Variants in EXOC2 observed in about 807,000 individuals in gnomAD.
EXOC2 encodes the protein exocyst complex component 2.
Under a neutral mutation model 131.8 loss-of-function variants are expected in EXOC2, and 70 were observed. The observed-to-expected ratio is 0.53, with a 90% CI of 0.44 to 0.65. The LOEUF is 0.65. Among genes scored for constraint, EXOC2 ranks in the 30% least tolerant of loss-of-function variants. EXOC2 has a pLI of 0.00. For synonymous variants in EXOC2, 411 were observed against 398.4 expected, an observed-to-expected ratio of 1.03 and a Z score of -0.38; for missense variants, 923 against 1,108.6, an observed-to-expected ratio of 0.83 and a Z score of 2.38.
intron 1 of EXOC2, among the ~76,000 whole-genome samples, chr6:663,839 TG>T (rs1763520691): frequency 6.6e-6 from 1 of 152,280 alleles, no homozygotes; most frequent in South Asian, 2.1e-4. Flanking sequence ...TAATACTGAA[TG>T]GGGAAAAGTT....
chr6:681,824 G>A (rs1465079341), intron 1 of EXOC2, among the ~76,000 whole-genome samples: 1 of 152,238 alleles, frequency 6.6e-6, no homozygotes, highest in Non-Finnish European at 1.5e-5. Context: ...TGGTTCTACA[G>A]ATACTTTGCT....
At position 556,074 on chromosome 6, in the gene EXOC2, G is replaced by A. The variant is rs548238838; in HGVS notation, c.1933-61C>T. The A allele has an allele frequency of 1.6e-5, 24 of 1,478,970 alleles. No homozygotes were observed. In the East Asian group the frequency reaches 5.0e-4, roughly 31 times the overall value. The allele number at this position is 1,478,970 out of a possible 1,614,324, so 91.6% of individuals were successfully genotyped here. A position where few individuals can be genotyped will look rare whatever the true frequency, so the allele number is the denominator to read the frequency against. ...TTGCTAAGAAAAGGTTTTTGTATAT[G>A]AAGTTAGATATGAACAGTTAAAACG... On this transcript the variant is annotated intron_variant, in intron 18 of 27. Transcript: ENST00000230449.
chr6:635,870 G>A (rs1300132762), intron 2 of EXOC2, among the ~76,000 whole-genome samples: 4 of 152,244 alleles, frequency 2.6e-5, no homozygotes. Flanking sequence ...TGACCATCCT[G>A]GCCAATATGG....
At chr6:541,407 C>G (rs1044327737) in intron 22 of EXOC2, among the ~76,000 whole-genome samples, 1 of 152,042 alleles carries the variant, frequency 6.6e-6, no homozygotes, top group Non-Finnish European at 1.5e-5. Context: ...TGTAAATAAA[C>G]AAGATTAGAG....
At chr6:657,152 C>A in intron 1 of EXOC2, 1 of 411,164 alleles carries the variant, frequency 2.4e-6, no homozygotes, top group Non-Finnish European at 4.3e-6. Context: ...CCTCCCAACG[C>A]CCGTTCTCAC....
intron 23 of EXOC2, among the ~76,000 whole-genome samples, chr6:507,192 C>A (rs1243549617): frequency 3.9e-5 from 1 of 25,898 alleles, no homozygotes; most frequent in Non-Finnish European, 9.9e-5. Flanking sequence ...CAGTGACCCC[C>A]CCCACACACA....
intron 1 of EXOC2, among the ~76,000 whole-genome samples, chr6:654,884 T>A (rs1037779844): frequency 8.4e-6 from 1 of 118,776 alleles, no homozygotes; most frequent in Admixed American, 9.5e-5. Context: ...AACAAACAGA[T>A]GAAGAGTTGC....
chr6:619,626 C>T (rs1396144578), intron 4 of EXOC2, 83 bp from the exon 5 acceptor site: 1 of 823,738 alleles, frequency 1.2e-6, no homozygotes, highest in African/African-American at 1.7e-5. Context: ...TCCAGTATAA[C>T]ACATATGAAT....
At chr6:658,665 A>ATATATATATATATATAT (rs1374453663) in intron 1 of EXOC2, among the ~76,000 whole-genome samples, 2 of 115,538 alleles carry the variant, frequency 1.7e-5, no homozygotes, top group African/African-American at 6.5e-5. Context: ...ATATATATAT[A>ATATATATATATATATAT]TTTTTTTTTT....
rs141029924 is a variant in EXOC2, at chr6:565,874, G to A, written c.1444-945C>T. On this transcript the variant is annotated intron_variant, in intron 13 of 27. Coordinates refer to ENST00000230449, the MANE Select transcript of EXOC2 (RefSeq NM_018303.6). The stretch of plus-strand genomic sequence containing the variant: ...TTTCTGTATAAGCTATAAAAACTGC[G>A]TGTAGGGTTAGTTTATATAATGAAC... 2.0e-4 allele frequency among the ~76,000 whole-genome samples: 30 copies of A among 152,252 alleles called. 1 individual carries two copies. The highest frequency in any genetic ancestry group is 6.0e-4 in the African/African-American group (25 of 41,550).
In EXOC2 at chr6:556,464, A is replaced by G. The variant is rs764570621; in HGVS notation, c.1932+20T>C. 2.5e-6 allele frequency: 4 copies of G among 1,612,290 alleles called. No homozygotes were observed. Among genetic ancestry groups the G allele is most frequent in the Non-Finnish European group, 3.4e-6 (4 of 1,179,220 alleles). On this transcript the variant is annotated intron_variant, in intron 18 of 27. Coordinates refer to ENST00000230449, the MANE Select transcript of EXOC2 (RefSeq NM_018303.6). ...AGGCTCCCTGGGAAACTGGAGTCCA[A>G]GCGGAGCTGGAATACTTACACTGGC...
At chr6:509,151 T>C (rs1732795407) in intron 23 of EXOC2, among the ~76,000 whole-genome samples, 1 of 152,260 alleles carries the variant, frequency 6.6e-6, no homozygotes, top group African/African-American at 2.4e-5. Flanking sequence ...GTATCTACCT[T>C]ATAATTTTTG....
At chr6:664,093 T>C (rs1182273649) in intron 1 of EXOC2, among the ~76,000 whole-genome samples, 1 of 152,218 alleles carries the variant, frequency 6.6e-6, no homozygotes, top group Non-Finnish European at 1.5e-5. Context: ...AGTTTCCAGA[T>C]ACAAGATTAA....
intron 1 of EXOC2, among the ~76,000 whole-genome samples, chr6:654,748 G>A (rs750903668): frequency 1.1e-4 from 14 of 125,640 alleles, no homozygotes; most frequent in Non-Finnish European, 3.2e-5. Context: ...AAGCTGCAGT[G>A]AGCCATGATT....
intron 22 of EXOC2, among the ~76,000 whole-genome samples, chr6:544,558 A>G (rs1439493905): frequency 6.6e-6 from 1 of 152,258 alleles, no homozygotes; most frequent in Non-Finnish European, 1.5e-5. Flanking sequence ...GATTTTGTTT[A>G]TACGTATAAC....
chr6:561,459 A>G (rs941083831), intron 17 of EXOC2, among the ~76,000 whole-genome samples: 3 of 152,238 alleles, frequency 2.0e-5, no homozygotes, highest in Admixed American at 1.3e-4. Flanking sequence ...GAATTTAAAA[A>G]TACTGTGCAG....
chr6:562,592 C>T (rs1375461967), intron 17 of EXOC2, among the ~76,000 whole-genome samples, 192 bp downstream of exon 17: 1 of 152,214 alleles, frequency 6.6e-6, no homozygotes, highest in African/African-American at 2.4e-5. Flanking sequence ...AAAAGAAACG[C>T]ATTGTTCTCA....
Position 528,047 on chromosome 6 carries a change from A to G in EXOC2, c.2380+4422T>C, listed in dbSNP as rs545614776. Reference sequence around the variant, plus strand: ...AATTGCAGATAACAGAACAATTAAAATCTTAACAGCAGTTTTGTGACTCAG... The same window carrying G: ...AATTGCAGATAACAGAACAATTAAAGTCTTAACAGCAGTTTTGTGACTCAG... On this transcript the variant is annotated intron_variant, in intron 23 of 27. Coordinates refer to ENST00000230449, the MANE Select transcript of EXOC2 (RefSeq NM_018303.6). 3.3e-5 allele frequency among the ~76,000 whole-genome samples: 5 copies of G among 152,374 alleles called. No individual in the cohort carries two copies. The East Asian group carries it at 9.6e-4, about 29-fold the overall frequency.
At chr6:527,421 T>G (rs1008474257) in intron 23 of EXOC2, among the ~76,000 whole-genome samples, 1 of 152,240 alleles carries the variant, frequency 6.6e-6, no homozygotes, top group Non-Finnish European at 1.5e-5. Context: ...TCAACAAACA[T>G]AGACTTGAGA....
Sources: gnomAD v4.1 joint callset for allele counts (sites outside exome capture counted in the v4.1 genomes callset) on GRCh38, gnomAD v4.1.1 for gene constraint, MANE v1.5 for transcripts, NCBI Gene and HGNC (gene_info 2026-07-23, HGNC 2026-07-21) for gene names.